The following PRKN variants were observed in gnomAD, a reference collection of about 807,000 sequenced individuals.
PRKN encodes parkin RBR E3 ubiquitin protein ligase.
PRKN carries 56 observed loss-of-function variants against 59.5 expected under a neutral mutation model. That is an observed-to-expected ratio of 0.94 (90% CI 0.76 to 1.18). The LOEUF (loss-of-function observed/expected upper bound fraction) is 1.18, where lower values mean the gene tolerates loss of function less well. Among genes scored for constraint, PRKN ranks in the 50% most tolerant of loss-of-function variants. PRKN has a pLI of 0.00. For synonymous variants in PRKN, 250 were observed against 222.1 expected (o/e 1.13, Z -1.12); for missense variants, 657 against 596.4 (o/e 1.10, Z -1.06).
intron 6 of PRKN, among the ~76,000 whole-genome samples, chr6:161,912,354 G>T (rs1039829101): frequency 6.0e-4 from 92 of 152,112 alleles, no homozygotes; most frequent in African/African-American, 2.2e-3. Flanking sequence ...TAATCTTCTT[G>T]TAGTCTGCTC....
At chr6:162,148,005 C>G (rs1782101778) in intron 4 of PRKN, among the ~76,000 whole-genome samples, 1 of 152,092 alleles carries the variant, frequency 6.6e-6, no homozygotes, top group Admixed American at 6.6e-5. Context: ...TGTCCTCAGC[C>G]CCAAGTCGAC....
intron 9 of PRKN, among the ~76,000 whole-genome samples, chr6:161,430,814 CAAAAAAAAAAAAAA>C (rs35611748): frequency 3.4e-5 from 2 of 58,340 alleles, no homozygotes; most frequent in Admixed American, 2.8e-4. Flanking sequence ...GACTCCGTCT[CAAAAAAAAAAAAAA>C]AAAAAAAAAA....
intron 9 of PRKN, among the ~76,000 whole-genome samples, chr6:161,406,223 T>C (rs1787270598): frequency 1.3e-5 from 2 of 151,884 alleles, no homozygotes; most frequent in African/African-American, 4.8e-5. Flanking sequence ...TATACATATA[T>C]ATATATACAC....
chr6:162,654,565 T>C (rs1271863710), intron 1 of PRKN, among the ~76,000 whole-genome samples: 1 of 152,214 alleles, frequency 6.6e-6, no homozygotes, highest in African/African-American at 2.4e-5. Flanking sequence ...GATTATCCAA[T>C]AGCATCTTCT....
chr6:161,831,156 A>C (rs144914058), intron 6 of PRKN, among the ~76,000 whole-genome samples: 98 of 152,354 alleles, frequency 6.4e-4, no homozygotes, highest in Middle Eastern at 6.8e-3. Context: ...ATTAGGAACT[A>C]CTTTCTAACC....
intron 3 of PRKN, among the ~76,000 whole-genome samples, chr6:162,211,799 A>G (rs1180319533): frequency 6.6e-6 from 1 of 152,212 alleles, no homozygotes; most frequent in African/African-American, 2.4e-5. Context: ...CAAAACATTC[A>G]ATGTTAAAAA....
chr6:162,179,191 G>A (rs1413320704), intron 4 of PRKN, among the ~76,000 whole-genome samples: 3 of 152,270 alleles, frequency 2.0e-5, no homozygotes, highest in East Asian at 3.9e-4. Flanking sequence ...CCCTTCAGTC[G>A]TAATTGCATT....
chr6:162,241,942 C>T (rs569791529), intron 3 of PRKN, among the ~76,000 whole-genome samples: 1 of 151,920 alleles, frequency 6.6e-6, no homozygotes, highest in East Asian at 1.9e-4. Flanking sequence ...CCCCCCACCC[C>T]CAACAAGCAC....
intron 2 of PRKN, among the ~76,000 whole-genome samples, chr6:162,343,402 T>G (rs1001406301): frequency 6.6e-6 from 1 of 152,204 alleles, no homozygotes; most frequent in African/African-American, 2.4e-5. Context: ...CCCGTGTGGT[T>G]GTTGTTTGCT....
At chr6:161,944,136 T>C (rs540574392) in intron 6 of PRKN, among the ~76,000 whole-genome samples, 11 of 151,034 alleles carry the variant, frequency 7.3e-5, no homozygotes, top group Admixed American at 5.3e-4. Context: ...GCCTGAGGGA[T>C]CAGCCTGAGG....
chr6:161,666,761 C>A (rs533660162), intron 7 of PRKN, among the ~76,000 whole-genome samples: 19 of 152,302 alleles, frequency 1.2e-4, no homozygotes, highest in African/African-American at 4.6e-4. Flanking sequence ...TGATTGGATA[C>A]TAGTATAAGT....
chr6:161,474,537 T>C (rs1383860403), intron 9 of PRKN, among the ~76,000 whole-genome samples: 2 of 152,168 alleles, frequency 1.3e-5, no homozygotes, highest in Non-Finnish European at 2.9e-5. Flanking sequence ...ATCACAGATA[T>C]CTTCGTATGA....
At position 161,491,879 on chromosome 6, in the gene PRKN, A is replaced by C. The variant is rs535002539; in HGVS notation, c.1083+56975T>G. On this transcript the variant is annotated intron_variant, in intron 9 of 11. Transcript: ENST00000366898. ...ACTCCTGACCTCAGGTGATCCACCCATCTCGGCCTCCCAAAATGCTGGGAT... is the reference window on the plus strand; with the variant it reads ...ACTCCTGACCTCAGGTGATCCACCCCTCTCGGCCTCCCAAAATGCTGGGAT... Among the ~76,000 whole-genome samples the C allele has an allele frequency of 3.9e-5, 6 of 152,190 alleles. No individual in the cohort carries two copies. In the East Asian group the frequency reaches 9.7e-4, roughly 25 times the overall value.
intron 1 of PRKN, among the ~76,000 whole-genome samples, chr6:162,558,067 T>C (rs1245996228): frequency 4.6e-5 from 7 of 152,226 alleles, no homozygotes. Flanking sequence ...TACACACAAG[T>C]ATCTATATCT....
chr6:161,518,634 C>T lies in PRKN; in HGVS notation c.1083+30220G>A, dbSNP rs1447909388. The stretch of plus-strand genomic sequence containing the variant: ...CGGCCTCCCCCTAGCAGCACAAGCC[C>T]AGCCTCCGCTCACCCAGCCCCCTAG... On this transcript the variant is annotated intron_variant, in intron 9 of 11. Coordinates refer to ENST00000366898, the MANE Select transcript of PRKN (RefSeq NM_004562.3). This position sits in a 1 kb window ranked among gnomAD's most constrained non-coding sequence, Gnocchi z 5.0. 6.6e-6 allele frequency among the ~76,000 whole-genome samples: 1 copy of T among 152,210 alleles called. No homozygotes were observed. The highest frequency in any genetic ancestry group is 1.5e-5 in the Non-Finnish European group (1 of 68,032).
intron 2 of PRKN, among the ~76,000 whole-genome samples, chr6:162,313,771 G>A (rs1013625621): frequency 2.6e-5 from 4 of 152,068 alleles, no homozygotes; most frequent in African/African-American, 9.7e-5. Context: ...ACAGGCGTGA[G>A]CCACCATGCC....
intron 10 of PRKN, among the ~76,000 whole-genome samples, chr6:161,380,262 C>T (rs990099581): frequency 6.6e-6 from 1 of 152,140 alleles, no homozygotes; most frequent in Non-Finnish European, 1.5e-5. Context: ...CCTCCAACCC[C>T]GTGGAGAACT....
intron 9 of PRKN, among the ~76,000 whole-genome samples, chr6:161,474,454 T>C (rs533574971): frequency 6.6e-6 from 1 of 152,320 alleles, no homozygotes; most frequent in Admixed American, 6.5e-5. Context: ...AAGTTTGGTG[T>C]TTCCTTCAGT....
At chr6:162,148,182 A>G (rs1404993118) in intron 4 of PRKN, among the ~76,000 whole-genome samples, 1 of 152,210 alleles carries the variant, frequency 6.6e-6, no homozygotes, top group Non-Finnish European at 1.5e-5. Flanking sequence ...AAATTTATCT[A>G]TAAGTAGAGA....
Sources: allele counts gnomAD v4.1 joint callset (sites outside exome capture counted in the v4.1 genomes callset), GRCh38; gene constraint gnomAD v4.1.1; non-coding constraint Gnocchi (gnomAD v3.1); transcripts MANE v1.5; gene names NCBI Gene and HGNC (gene_info 2026-07-23, HGNC 2026-07-21).